Variants in PCLO observed in about 807,000 individuals in gnomAD.
PCLO encodes the protein piccolo presynaptic cytomatrix protein, also known as protein piccolo.
PCLO carries 82 observed loss-of-function variants against 427.5 expected under a neutral mutation model. The observed-to-expected ratio is 0.19, with a 90% CI of 0.16 to 0.23. The LOEUF (loss-of-function observed/expected upper bound fraction) is 0.23, where lower values mean the gene tolerates loss of function less well. PCLO is among the 10% of genes least tolerant of loss of function. The pLI, the probability that PCLO is intolerant of heterozygous loss-of-function variation, is 1.00. For synonymous variants in PCLO, 2,357 were observed against 2,155.4 expected (o/e 1.09, Z -2.59); for missense variants, 6,239 against 6,115.9 (o/e 1.02, Z -0.67).
chr7:82,909,139 T>A, intron 7 of PCLO, 126 bp from the exon 8 acceptor site: 1 of 804,090 alleles, frequency 1.2e-6, no homozygotes, highest in Non-Finnish European at 1.9e-6. Flanking sequence ...CAAACACATC[T>A]CCCCTTGGGA....
intron 3 of PCLO, among the ~76,000 whole-genome samples, chr7:82,984,052 G>A (rs1452516830): frequency 6.6e-6 from 1 of 151,840 alleles, no homozygotes; most frequent in Non-Finnish European, 1.5e-5. Flanking sequence ...CTAGCTAGGA[G>A]AAAAAAATGT....
chr7:83,031,281 C>A (rs371923541), intron 3 of PCLO, among the ~76,000 whole-genome samples: 12 of 152,198 alleles, frequency 7.9e-5, no homozygotes, highest in East Asian at 5.8e-4. Context: ...CTTCCAAATA[C>A]CACACTATTA....
chr7:82,896,586 C>T (rs1448047474), intron 9 of PCLO, among the ~76,000 whole-genome samples: 1 of 151,454 alleles, frequency 6.6e-6, no homozygotes, highest in Non-Finnish European at 1.5e-5. Context: ...TGCACAAGTC[C>T]ATAAATGTAT....
chr7:83,018,981 A>C (rs1375911842), intron 3 of PCLO, among the ~76,000 whole-genome samples: 1 of 152,052 alleles, frequency 6.6e-6, no homozygotes, highest in Non-Finnish European at 1.5e-5. Context: ...AAAATAAAAG[A>C]AGTGATAATG....
At chr7:82,909,355 C>G (rs1238670315) in intron 7 of PCLO, among the ~76,000 whole-genome samples, 3 of 151,966 alleles carry the variant, frequency 2.0e-5, no homozygotes, top group Non-Finnish European at 4.4e-5. Flanking sequence ...AAGGATCATT[C>G]TATTTAACCT....
chr7:83,014,594 T>G (rs987354278), intron 3 of PCLO, among the ~76,000 whole-genome samples: 1 of 151,502 alleles, frequency 6.6e-6, no homozygotes, highest in East Asian at 1.9e-4. Context: ...AACATTGCAA[T>G]ATAGAATGAA....
intron 3 of PCLO, among the ~76,000 whole-genome samples, chr7:83,061,218 C>A (rs1369091413): frequency 6.6e-6 from 1 of 152,138 alleles, no homozygotes; most frequent in Non-Finnish European, 1.5e-5. Flanking sequence ...AGCTTGGGTC[C>A]TTTTCCCCCA....
In PCLO at chr7:82,838,271, G is replaced by T. The variant is rs761542628; in HGVS notation, c.14169C>A (p.Asp4723Glu). The T allele has an allele frequency of 4.4e-6, 7 of 1,587,634 alleles. No homozygotes were observed. The South Asian group carries it at 7.9e-5, about 18-fold the overall frequency. The change falls in exon 15 of 25, where the codon GAC becomes GAA. Residue 4723 changes from aspartate to glutamate, a missense_variant. Coordinates refer to ENST00000333891, the MANE Select transcript of PCLO (RefSeq NM_033026.6). ...ILQARNLVPR[D>E]NNGYSDPFVK... ...CAAAAGGGTCAGAATAACCATTGTT[G>T]TCTCGAGGAACAAGATTTCTTGCTT...
At chr7:82,770,568 T>C (rs73708613) in intron 22 of PCLO, among the ~76,000 whole-genome samples, 7,181 of 152,046 alleles carry the variant, frequency 0.047, 352 homozygotes, top group African/African-American at 0.12. Context: ...AAGGACATTT[T>C]TCACTTTGCT....
chr7:82,891,141 T>C (rs1490278880), intron 9 of PCLO, among the ~76,000 whole-genome samples: 2 of 152,122 alleles, frequency 1.3e-5, no homozygotes, highest in African/African-American at 4.8e-5. Flanking sequence ...CCCTGCAAAA[T>C]GAATACATAA....
chr7:82,829,970 T>A (rs1165702184), intron 16 of PCLO, among the ~76,000 whole-genome samples: 1 of 152,040 alleles, frequency 6.6e-6, no homozygotes, highest in East Asian at 1.9e-4. Context: ...AAACTTAATA[T>A]GGTATGGTAT....
chr7:83,054,322 C>A (rs975762669), intron 3 of PCLO, among the ~76,000 whole-genome samples: 2 of 151,974 alleles, frequency 1.3e-5, no homozygotes, highest in African/African-American at 2.4e-5. Flanking sequence ...ATTCAGTATG[C>A]CTTAATATTG....
At chr7:82,986,154 A>T (rs1400833074) in intron 3 of PCLO, among the ~76,000 whole-genome samples, 1 of 151,942 alleles carries the variant, frequency 6.6e-6, no homozygotes, top group South Asian at 2.1e-4. Flanking sequence ...GAGAAAAAAC[A>T]TAAGAATTCT....
chr7:82,788,115 A>G (rs1458292983), intron 22 of PCLO, among the ~76,000 whole-genome samples: 1 of 151,130 alleles, frequency 6.6e-6, no homozygotes, highest in Non-Finnish European at 1.5e-5. Flanking sequence ...AGATGGCTTC[A>G]ACCAATAAGT....
chr7:83,084,258 A>G (rs1445272581), intron 3 of PCLO, among the ~76,000 whole-genome samples: 1 of 151,590 alleles, frequency 6.6e-6, no homozygotes, highest in East Asian at 1.9e-4. Flanking sequence ...GTGTGAAAGC[A>G]CCCTATTTAA....
chr7:82,924,919 A>G (rs1384389421), intron 6 of PCLO, among the ~76,000 whole-genome samples: 1 of 152,174 alleles, frequency 6.6e-6, no homozygotes, highest in African/African-American at 2.4e-5. Flanking sequence ...TGTACTAAAT[A>G]CTGAGATTAA....
At chr7:83,119,711 T>C (rs1439188812) in intron 3 of PCLO, among the ~76,000 whole-genome samples, 1 of 151,600 alleles carries the variant, frequency 6.6e-6, no homozygotes, top group East Asian at 2.0e-4. Flanking sequence ...CAGTGACTAA[T>C]CCTGGAGCAA....
At position 82,777,568 on chromosome 7, in the gene PCLO, G is replaced by A. The variant is rs568343095; in HGVS notation, c.15008-16075C>T. On this transcript the variant is annotated intron_variant, in intron 22 of 24. Transcript: ENST00000333891. ...TACAAACACATGGACCAATGGAACC[G>A]AATAGAGAGCCCAGAAATAAGGCTG... Among the ~76,000 whole-genome samples the A allele has an allele frequency of 1.6e-4, 25 of 152,170 alleles. No individual in the cohort carries two copies. In the South Asian group the frequency reaches 5.0e-3, roughly 30 times the overall value.
At chr7:82,871,102 T>C (rs923690213) in intron 10 of PCLO, among the ~76,000 whole-genome samples, 3 of 151,952 alleles carry the variant, frequency 2.0e-5, no homozygotes, top group Non-Finnish European at 2.9e-5. Context: ...CTGATCCCAC[T>C]GCTAGGTATA....
Sources: gnomAD v4.1 joint callset for allele counts (sites outside exome capture counted in the v4.1 genomes callset) on GRCh38, gnomAD v4.1.1 for gene constraint, MANE v1.5 for transcripts, NCBI Gene and HGNC (gene_info 2026-07-23, HGNC 2026-07-21) for gene names.